HDX: variants seen among roughly 807,000 people sequenced by gnomAD.
HDX encodes highly divergent homeobox.
In HDX, 19 loss-of-function variants were observed where a neutral mutation model predicts 45.2. The observed-to-expected ratio is 0.42, with a 90% CI of 0.29 to 0.62. The LOEUF (loss-of-function observed/expected upper bound fraction) is 0.62, where lower values mean the gene tolerates loss of function less well. HDX is among the 20% of genes least tolerant of loss of function. HDX has a pLI of 0.20. For missense variants in HDX, 532 were observed against 493.9 expected, an observed-to-expected ratio of 1.08 and a Z score of -0.73; for synonymous variants, 188 against 172.8, an observed-to-expected ratio of 1.09 and a Z score of -0.69.
chrX:84,494,975 A>G lies in HDX; in HGVS notation c.-109-6843T>C, dbSNP rs1302194854. 2.7e-5 allele frequency among the ~76,000 whole-genome samples: 3 copies of G among 111,758 alleles called. No homozygotes were observed. The Admixed American group carries it at 2.9e-4, about 11-fold the overall frequency. ...ATCAACAGATGAATGGATAAAGAAA[A>G]TGTGGCATATATACAAAATGGAATA... On this transcript the variant is annotated intron_variant, in intron 1 of 10. Coordinates refer to ENST00000373177, the MANE Select transcript of HDX (RefSeq NM_001177479.2).
intron 4 of HDX, 133 bp from the exon 5 acceptor site, chrX:84,440,718 T>G: frequency 4.7e-6 from 2 of 424,807 alleles, no homozygotes; most frequent in Non-Finnish European, 8.0e-6. Context: ...GTATAAAATG[T>G]TGTTTCCTTA....
intron 5 of HDX, among the ~76,000 whole-genome samples, chrX:84,430,767 A>G (rs1359519474): frequency 2.7e-5 from 3 of 110,011 alleles, no homozygotes; most frequent in Non-Finnish European, 3.8e-5. Context: ...TATTTTCCTC[A>G]TGATTAGTAA....
intron 5 of HDX, among the ~76,000 whole-genome samples, chrX:84,404,780 T>G (rs1366146139): frequency 9.0e-6 from 1 of 111,336 alleles, no homozygotes; most frequent in East Asian, 2.8e-4. Context: ...GTGTATGAAG[T>G]AGACAGAATA....
chrX:84,331,235 G>A (rs1310677832), intron 9 of HDX, among the ~76,000 whole-genome samples: 1 of 111,363 alleles, frequency 9.0e-6, no homozygotes, highest in Non-Finnish European at 1.9e-5. Context: ...TTCTAGTGAT[G>A]TATCTCAGTC....
intron 4 of HDX, among the ~76,000 whole-genome samples, chrX:84,449,681 G>A (rs2039953389): frequency 8.9e-6 from 1 of 112,182 alleles, no homozygotes; most frequent in South Asian, 3.7e-4. Flanking sequence ...ACATGTTGAA[G>A]TGAAAGACAA....
chrX:84,459,401 C>G (rs1366694096), intron 4 of HDX, among the ~76,000 whole-genome samples: 2 of 108,509 alleles, frequency 1.8e-5, no homozygotes, highest in South Asian at 8.0e-4. Context: ...GAGATCATGT[C>G]GCTGCACTGC....
chrX:84,449,012 A>T (rs891595470), intron 4 of HDX, among the ~76,000 whole-genome samples: 1 of 108,518 alleles, frequency 9.2e-6, no homozygotes. Context: ...AATTCATGGA[A>T]TCAAATAAAA....
intron 5 of HDX, among the ~76,000 whole-genome samples, chrX:84,416,846 G>A (rs1299601593): frequency 1.8e-5 from 2 of 111,325 alleles, no homozygotes; most frequent in African/African-American, 3.3e-5. Flanking sequence ...ATGTCAGGAA[G>A]ATGGCAGAAT....
chrX:84,468,536 T>G lies in HDX; in HGVS notation c.1187A>C (p.Asn396Thr), dbSNP rs1327661442. The G allele has an allele frequency of 8.5e-7, 1 of 1,180,357 alleles. No homozygotes were observed. ...MYSNTNPLRS[N>T]FSPHFASSNQ... Reference sequence around the variant, plus strand: ...TGATGATGCAAAATGAGGAGAAAAATTACTCCGTAATGGATTGGTATTACT... The same window carrying G: ...TGATGATGCAAAATGAGGAGAAAAAGTACTCCGTAATGGATTGGTATTACT... The change falls in exon 4 of 11, where the codon AAT (asparagine) becomes ACT (threonine). Residue 396 changes from asparagine (N) to threonine (T), a missense_variant. Around this residue, in one of 3 missense-constraint regions of HDX, gnomAD observed 376 missense variants for 343.7 expected, o/e 1.09. Coordinates refer to ENST00000373177, the MANE Select transcript of HDX (RefSeq NM_001177479.2).
At chrX:84,350,292 G>A (rs2037313478) in intron 6 of HDX, among the ~76,000 whole-genome samples, 1 of 111,163 alleles carries the variant, frequency 9.0e-6, no homozygotes, top group African/African-American at 3.3e-5. Context: ...CTTGAAAAGT[G>A]TGTATTTTAT....
intron 5 of HDX, among the ~76,000 whole-genome samples, chrX:84,424,078 C>T (rs983179246): frequency 1.4e-4 from 15 of 111,074 alleles, no homozygotes; most frequent in African/African-American, 4.9e-4. Flanking sequence ...CATGTAAAGA[C>T]TCCACAAGAA....
intron 5 of HDX, among the ~76,000 whole-genome samples, chrX:84,383,565 T>C (rs1241822215): frequency 8.9e-6 from 1 of 111,861 alleles, no homozygotes; most frequent in African/African-American, 3.2e-5. Flanking sequence ...CATTTACTTG[T>C]AGTTGCTGTC....
chrX:84,444,163 G>A (rs764721486), intron 4 of HDX, among the ~76,000 whole-genome samples: 1 of 111,061 alleles, frequency 9.0e-6, no homozygotes, highest in East Asian at 2.8e-4. Flanking sequence ...AATGGCATGA[G>A]CACGGTGGAA....
At chrX:84,358,582 T>C (rs1311234971) in intron 6 of HDX, among the ~76,000 whole-genome samples, 3 of 111,935 alleles carry the variant, frequency 2.7e-5, no homozygotes, top group Non-Finnish European at 5.6e-5. Flanking sequence ...AGCAGCATGC[T>C]CAACAAACAC....
At chrX:84,453,678 T>C (rs905871506) in intron 4 of HDX, among the ~76,000 whole-genome samples, 1 of 111,684 alleles carries the variant, frequency 9.0e-6, no homozygotes, top group African/African-American at 3.3e-5. Flanking sequence ...CAAGTCCTGG[T>C]ACTGTGCTGG....
chrX:84,475,643 A>C (rs2148155684), intron 2 of HDX, among the ~76,000 whole-genome samples: 1 of 112,345 alleles, frequency 8.9e-6, no homozygotes, highest in African/African-American at 3.2e-5. Flanking sequence ...AAAAAAAGAC[A>C]GGAAATAAAA....
At chrX:84,374,228 A>G (rs943610157) in intron 5 of HDX, among the ~76,000 whole-genome samples, 1 of 111,119 alleles carries the variant, frequency 9.0e-6, no homozygotes, top group African/African-American at 3.3e-5. Flanking sequence ...CTTCAAGGAG[A>G]ACTACAAACC....
intron 4 of HDX, among the ~76,000 whole-genome samples, chrX:84,444,967 A>G (rs2039841377): frequency 8.9e-6 from 1 of 111,979 alleles, no homozygotes; most frequent in Non-Finnish European, 1.9e-5. Context: ...TAGACCCCAC[A>G]TATGAATCCG....
intron 5 of HDX, among the ~76,000 whole-genome samples, chrX:84,393,960 C>T (rs911228142): frequency 1.8e-5 from 2 of 110,213 alleles, no homozygotes; most frequent in African/African-American, 6.6e-5. Context: ...AAAAACCAAC[C>T]CTTTGTTTTG....
Sources: allele counts gnomAD v4.1 joint callset (sites outside exome capture counted in the v4.1 genomes callset), GRCh38; gene constraint gnomAD v4.1.1; regional missense constraint gnomAD v4.1.1; transcripts MANE v1.5; gene names NCBI Gene and HGNC (gene_info 2026-07-23, HGNC 2026-07-21).